Variants in PPFIBP2 observed in about 807,000 individuals in gnomAD.
PPFIBP2 encodes liprin-beta-2.
PPFIBP2 carries 118 observed loss-of-function variants against 118.3 expected under a neutral mutation model. The observed-to-expected ratio is 1.00, with a 90% confidence interval of 0.86 to 1.16. The LOEUF is 1.16. Among genes scored for constraint, PPFIBP2 ranks in the 50% most tolerant of loss-of-function variants. The pLI is 0.00. For missense variants in PPFIBP2, 1,195 were observed against 1,073.1 expected (o/e 1.11, Z -1.59); for synonymous variants, 414 against 397.4 (o/e 1.04, Z -0.50).
At chr11:7,641,098 G>C (rs1393684596) in intron 15 of PPFIBP2, 1 of 1,251,594 alleles carries the variant, frequency 8.0e-7, no homozygotes, top group Admixed American at 2.3e-5. Flanking sequence ...GGTGGAGAGT[G>C]AGAATGCCTT....
intron 5 of PPFIBP2, among the ~76,000 whole-genome samples, chr11:7,603,943 C>T (rs1278528185): frequency 6.6e-6 from 1 of 152,166 alleles, no homozygotes; most frequent in Non-Finnish European, 1.5e-5. Flanking sequence ...GAAGCCTTTG[C>T]CCCTTATCCT....
chr11:7,536,179 G>T (rs949354484), intron 1 of PPFIBP2, among the ~76,000 whole-genome samples: 5 of 152,160 alleles, frequency 3.3e-5, no homozygotes, highest in African/African-American at 4.8e-5. Flanking sequence ...TCTGAATCAG[G>T]GCTGTCACCG....
chr11:7,556,174 G>A (rs1475733985), intron 2 of PPFIBP2, among the ~76,000 whole-genome samples: 3 of 152,154 alleles, frequency 2.0e-5, no homozygotes, highest in Non-Finnish European at 2.9e-5. Flanking sequence ...TTTATAAGAC[G>A]GCCAGGTGCA....
chr11:7,578,090 C>T (rs1248614718), intron 3 of PPFIBP2, among the ~76,000 whole-genome samples: 1 of 152,220 alleles, frequency 6.6e-6, no homozygotes. Flanking sequence ...GCAGAATGAG[C>T]TTCTGCATTT....
At chr11:7,634,801 G>T (rs117902986) in intron 13 of PPFIBP2, among the ~76,000 whole-genome samples, 45 of 152,332 alleles carry the variant, frequency 3.0e-4, no homozygotes, top group Non-Finnish European at 5.9e-4. Context: ...GCAAAGCTTG[G>T]TTAGAGTCTG....
At position 7,616,483 on chromosome 11, in the gene PPFIBP2, C is replaced by T. The variant is rs1031233700; in HGVS notation, c.619-4452C>T. 7.2e-5 allele frequency among the ~76,000 whole-genome samples: 11 copies of T among 152,154 alleles called. No individual in the cohort carries two copies. The highest frequency in any genetic ancestry group is 2.0e-4 in the Admixed American group (3 of 15,274). On this transcript the variant is annotated intron_variant, in intron 6 of 23. Transcript: ENST00000299492. The surrounding 1 kb of genome is among the most constrained non-coding windows in gnomAD (Gnocchi z 5.2). ...GTGAGTCTCGTCAGATTGGCCTTAT[C>T]GGTTTGGCCGGGAATGTGTCGTGTG...
downstream of PPFIBP2, among the ~76,000 whole-genome samples, chr11:7,654,191 G>T (rs1432327092): frequency 6.6e-6 from 1 of 152,234 alleles, no homozygotes; most frequent in African/African-American, 2.4e-5. Flanking sequence ...TAACCATGGT[G>T]GGGGCTGGTC....
chr11:7,661,487 G>GT (rs1317755254), downstream of PPFIBP2, among the ~76,000 whole-genome samples: 2 of 149,958 alleles, frequency 1.3e-5, no homozygotes, highest in Non-Finnish European at 3.0e-5. Flanking sequence ...CTGAGTTCTA[G>GT]TTTGATTGCA....
downstream of PPFIBP2, chr11:7,655,643 G>A (rs1854615067): frequency 6.4e-6 from 4 of 623,194 alleles, no homozygotes; most frequent in South Asian, 3.4e-5. Context: ...GCCTGAGCCA[G>A]CCACGAGGCA....
chr11:7,636,618 A>G (rs1038086004), intron 14 of PPFIBP2, among the ~76,000 whole-genome samples: 2 of 152,156 alleles, frequency 1.3e-5, no homozygotes, highest in Non-Finnish European at 2.9e-5. Context: ...AGGTGTTTCT[A>G]AAGCACACCT....
In PPFIBP2 at chr11:7,582,707, A is replaced by G. The variant is rs377477556; in HGVS notation, c.280-10425A>G. Reference sequence around the variant, plus strand: ...CCCCTTTCAACTGATGTCACTACCAATGTCATAGGAAAAAAAAAAAAAAAC... The same window carrying G: ...CCCCTTTCAACTGATGTCACTACCAGTGTCATAGGAAAAAAAAAAAAAAAC... On this transcript the variant is annotated intron_variant, in intron 3 of 23. Coordinates refer to ENST00000299492, the MANE Select transcript of PPFIBP2 (RefSeq NM_003621.5). Among the ~76,000 whole-genome samples the G allele has an allele frequency of 4.0e-5, 6 of 150,530 alleles. No individual in the cohort carries two copies. In the East Asian group the frequency reaches 7.9e-4, roughly 20 times the overall value.
intron 3 of PPFIBP2, among the ~76,000 whole-genome samples, chr11:7,577,935 C>T (rs1856691110): frequency 6.6e-6 from 1 of 152,222 alleles, no homozygotes; most frequent in African/African-American, 2.4e-5. Context: ...AGGCTCCAAA[C>T]ACCGTGACCA....
intron 1 of PPFIBP2, among the ~76,000 whole-genome samples, chr11:7,543,832 T>C (rs528485883): frequency 1.3e-5 from 2 of 152,350 alleles, no homozygotes; most frequent in African/African-American, 4.8e-5. Flanking sequence ...TGGGGTTCAA[T>C]TGTGACTCAC....
At chr11:7,535,190 G>A (rs1177786928) in intron 1 of PPFIBP2, among the ~76,000 whole-genome samples, 2 of 152,226 alleles carry the variant, frequency 1.3e-5, no homozygotes, top group African/African-American at 4.8e-5. Context: ...AAACTAAATG[G>A]AGGTGGGAGC....
intron 3 of PPFIBP2, among the ~76,000 whole-genome samples, chr11:7,588,477 C>G (rs1236631064): frequency 1.3e-5 from 2 of 152,202 alleles, no homozygotes; most frequent in Admixed American, 6.5e-5. Context: ...ACACCTTAGG[C>G]TGTTAATTGC....
Position 7,565,623 on chromosome 11 carries a change from G to A in PPFIBP2, c.135G>A (p.Met45Ile). The change falls in exon 3 of 24, where the codon ATG (methionine) becomes ATA (isoleucine). Residue 45 changes from methionine (M) to isoleucine (I), a missense_variant. Met to Ile is a conservative substitution (Grantham distance 10). Coordinates refer to ENST00000299492, the MANE Select transcript of PPFIBP2 (RefSeq NM_003621.5). ...EPGLASPASY[M>I]NPFPVLHLIE... Reference sequence around the variant, plus strand: ...GACTGGCTTCCCCGGCCTCCTACATGAACCCCTTCCCGGTGCTCCATCTCA... The same window carrying A: ...GACTGGCTTCCCCGGCCTCCTACATAAACCCCTTCCCGGTGCTCCATCTCA... The A allele has an allele frequency of 6.2e-7, 1 of 1,614,188 alleles. No individual in the cohort carries two copies. The highest frequency in any genetic ancestry group is 8.5e-7 in the Non-Finnish European group (1 of 1,180,026).
intron 17 of PPFIBP2, among the ~76,000 whole-genome samples, chr11:7,646,228 A>G (rs760272308): frequency 1.3e-5 from 2 of 152,272 alleles, no homozygotes; most frequent in Non-Finnish European, 2.9e-5. Flanking sequence ...CCGCAAGGAC[A>G]TAGACAACAC....
At chr11:7,577,230 T>G (rs1856472802) in intron 3 of PPFIBP2, 1 of 188,412 alleles carries the variant, frequency 5.3e-6, no homozygotes, top group Non-Finnish European at 1.1e-5. Context: ...TGTCCAAGTC[T>G]TCTTTCTTTT....
chr11:7,598,132 T>A (rs1860742004), intron 5 of PPFIBP2: 1 of 158,526 alleles, frequency 6.3e-6, no homozygotes, highest in Non-Finnish European at 1.4e-5. Context: ...TTAATAGATA[T>A]CAAAATGGAA....
Sources: gnomAD v4.1 joint callset for allele counts (sites outside exome capture counted in the v4.1 genomes callset) on GRCh38, gnomAD v4.1.1 for gene constraint, Gnocchi (gnomAD v3.1) non-coding constraint, MANE v1.5 for transcripts, NCBI Gene and HGNC (gene_info 2026-07-23, HGNC 2026-07-21) for gene names.